The following CES5A variants were observed in gnomAD, a reference collection of about 807,000 sequenced individuals.
The protein encoded by CES5A is carboxylesterase 5.
CES5A carries 67 observed loss-of-function variants against 62.9 expected under a neutral mutation model. That is an observed-to-expected ratio of 1.07 (90% confidence interval 0.88 to 1.31). CES5A has a LOEUF of 1.31. Among genes scored for constraint, CES5A ranks in the 50% most tolerant of loss-of-function variants. The pLI is 0.00. For synonymous variants in CES5A, 296 were observed against 280.8 expected (o/e 1.05, Z -0.54); for missense variants, 748 against 708.5 (o/e 1.06, Z -0.63).
At chr16:55,930,359 G>A (rs540115162), upstream of CES5A, among the ~76,000 whole-genome samples, 14 of 152,226 alleles carry the variant, frequency 9.2e-5, no homozygotes, top group African/African-American at 2.6e-4. Context: ...CTGTCTCTCC[G>A]AATATGCTGT....
chr16:55,891,468 G>A (rs2033877077), intron 1 of CES5A, among the ~76,000 whole-genome samples: 2 of 152,224 alleles, frequency 1.3e-5, no homozygotes, highest in South Asian at 2.1e-4. Flanking sequence ...AGGGAGACAA[G>A]AGATGTCAAT....
chr16:55,850,892 A>G lies in CES5A; in HGVS notation c.1274-1119T>C, dbSNP rs756846655. On this transcript the variant is annotated intron_variant, in intron 10 of 12. Transcript: ENST00000290567. ...CTCTATGTCCTTCACACTTGTTCTT[A>G]CTCCTTTTCTTTTTAAAAAAATTAT... Among the ~76,000 whole-genome samples the G allele has an allele frequency of 6.7e-4, 67 of 99,648 alleles. 1 individual carries two copies. The highest frequency in any genetic ancestry group is 1.3e-4 in the Non-Finnish European group (6 of 46,376). The allele number at this position is 99,648 out of a possible 152,430, so 65.4% of individuals were successfully genotyped here. A position where few individuals can be genotyped will look rare whatever the true frequency, so the allele number is the denominator to read the frequency against.
At chr16:55,857,208 T>C (rs9931100) in intron 8 of CES5A, among the ~76,000 whole-genome samples, 49,918 of 152,058 alleles carry the variant, frequency 0.33, 9,411 homozygotes, top group African/African-American at 0.52. Flanking sequence ...GACTCAACTC[T>C]TCCTGCCTCA....
At position 55,948,406 on chromosome 16, in the gene CES5A, G is replaced by A. The variant is rs138283157; in HGVS notation, c.160+1379C>T. Among the ~76,000 whole-genome samples the A allele has an allele frequency of 1.6e-3, 240 of 152,200 alleles. 2 individuals carry two copies. Among genetic ancestry groups the A allele is most frequent in the African/African-American group, 5.5e-3 (228 of 41,528 alleles). On this transcript the variant is annotated intron_variant, in intron 2 of 13. Coordinates refer to the CES5A transcript ENST00000521992. The stretch of plus-strand genomic sequence containing the variant: ...CTCAGTTAATCTGCACTTTACATAA[G>A]ATAAAGTAAACACAGTACAGGAAGA...
At chr16:55,854,637 A>G (rs1271292638) in intron 9 of CES5A, among the ~76,000 whole-genome samples, 2 of 145,378 alleles carry the variant, frequency 1.4e-5, no homozygotes, top group Non-Finnish European at 3.0e-5. Flanking sequence ...AGGCTCAACA[A>G]TCCTCCTGCT....
intron 1 of CES5A, among the ~76,000 whole-genome samples, chr16:55,906,720 G>A (rs1471962886): frequency 6.6e-6 from 1 of 152,212 alleles, no homozygotes; most frequent in African/African-American, 2.4e-5. Context: ...CTTTTCAGAA[G>A]AGATATTTTT....
intron 2 of CES5A, among the ~76,000 whole-genome samples, chr16:55,933,962 G>A (rs2034340788): frequency 6.6e-6 from 1 of 152,058 alleles, no homozygotes; most frequent in African/African-American, 2.4e-5. Flanking sequence ...ACCCACACCA[G>A]CCTTCTTGCT....
At chr16:55,885,932 C>T (rs1388341489) in intron 1 of CES5A, among the ~76,000 whole-genome samples, 7 of 152,208 alleles carry the variant, frequency 4.6e-5, no homozygotes, top group Admixed American at 1.3e-4. Context: ...AGTGACTGAG[C>T]AAGTCTGGCT....
intron 6 of CES5A, 72 bp from the exon 7 acceptor site, chr16:55,861,588 C>T: frequency 4.5e-6 from 5 of 1,110,218 alleles, no homozygotes; most frequent in Non-Finnish European, 6.8e-6. Context: ...CTTGAAAATG[C>T]CCTCCAATCA....
chr16:55,909,566 A>G (rs899118946), intron 1 of CES5A, among the ~76,000 whole-genome samples: 9 of 127,838 alleles, frequency 7.0e-5, no homozygotes, highest in South Asian at 2.6e-4. Context: ...GTGCGTGCGC[A>G]CGTGCACACA....
In CES5A at chr16:55,866,053, C is replaced by T; in HGVS notation, c.615G>A (p.Trp205Ter). The T allele has an allele frequency of 6.2e-7, 1 of 1,614,134 alleles. No individual in the cohort carries two copies. The highest frequency in any genetic ancestry group is 8.5e-7 in the Non-Finnish European group (1 of 1,180,014). Residue 205 changes from tryptophan (W) to a stop codon, truncating the protein, a stop_gained, in exon 5 of 13, where the codon TGG (tryptophan) becomes TGA (stop). Coordinates refer to ENST00000290567, the MANE Select transcript of CES5A (RefSeq NM_001143685.2). LOFTEE classifies it high-confidence loss of function. ...AFKDQVAALSWVQKNIEFFGG... is the reference protein window; with the variant it reads ...AFKDQVAALS ...CGAAGAACTCGATGTTCTTCTGGAC[C>T]CAGGACAGAGCAGCCACCTGGTCCT... is the stretch of plus-strand genomic sequence containing the variant.
At chr16:55,923,594 GAAGT>G (rs2034230608) in intron 1 of CES5A, among the ~76,000 whole-genome samples, 1 of 151,756 alleles carries the variant, frequency 6.6e-6, no homozygotes, top group South Asian at 2.1e-4. Flanking sequence ...AACATTTAAA[GAAGT>G]AATAAGAATT....
chr16:55,907,279 C>G (rs1852629718), intron 1 of CES5A, among the ~76,000 whole-genome samples: 1 of 152,186 alleles, frequency 6.6e-6, no homozygotes, highest in South Asian at 2.1e-4. Flanking sequence ...AAGGAGTCAG[C>G]TCCTCAGCAT....
intron 2 of CES5A, among the ~76,000 whole-genome samples, chr16:55,934,700 A>G (rs1306929226): frequency 1.3e-5 from 2 of 152,066 alleles, no homozygotes. Context: ...GTGCACATGC[A>G]TGCATGTGTG....
chr16:55,917,584 G>A (rs1449452656), intron 1 of CES5A, among the ~76,000 whole-genome samples: 1 of 152,214 alleles, frequency 6.6e-6, no homozygotes, highest in Non-Finnish European at 1.5e-5. Flanking sequence ...TTGCCATGTA[G>A]GCATCTCAGG....
rs144841434 is a variant in CES5A, at chr16:55,846,798, A to G, written c.1466T>C (p.Met489Thr). ...TCGAGCAAAGGTAGCCCAGTATTTC[A>G]TCATCTTCCGGCTCAGTAACTTCTC... is the stretch of plus-strand genomic sequence containing the variant. ...EEEKLLSRKM[M>T]KYWATFARTG... The change falls in exon 12 of 13, where the codon ATG (methionine) becomes ACG (threonine). Residue 489 changes from methionine (M) to threonine (T), a missense_variant. Physicochemically the swap from Met to Thr is moderately conservative, Grantham distance 81 (BLOSUM62 -1). Transcript: ENST00000290567. 18 of 1,614,014 alleles carry G rather than the reference A, an allele frequency of 1.1e-5. No homozygotes were observed. The African/African-American group carries it at 2.1e-4, about 19-fold the overall frequency.
chr16:55,875,090 T>C, intron 1 of CES5A, 59 bp downstream of exon 1: 1 of 1,514,808 alleles, frequency 6.6e-7, no homozygotes, highest in Non-Finnish European at 9.2e-7. Flanking sequence ...TTTCTACCAG[T>C]GGAAAATCCT....
At chr16:55,932,994 A>T (rs1422070807) in intron 2 of CES5A, among the ~76,000 whole-genome samples, 2 of 152,242 alleles carry the variant, frequency 1.3e-5, no homozygotes, top group Non-Finnish European at 2.9e-5. Flanking sequence ...TTGTGTGAAG[A>T]TAAATCTGAT....
intron 2 of CES5A, among the ~76,000 whole-genome samples, chr16:55,931,777 A>G (rs2034314783): frequency 6.6e-6 from 1 of 152,094 alleles, no homozygotes; most frequent in South Asian, 2.1e-4. Context: ...CTGGCCTCTC[A>G]CTACTCAACC....
Sources: allele counts gnomAD v4.1 joint callset (sites outside exome capture counted in the v4.1 genomes callset), GRCh38; gene constraint gnomAD v4.1.1; transcripts MANE v1.5; gene names NCBI Gene and HGNC (gene_info 2026-07-23, HGNC 2026-07-21).